ARB2A: variants seen among roughly 807,000 people sequenced by gnomAD.
ARB2A encodes cotranscriptional regulator ARB2A.
the ARB2A span, among the ~76,000 whole-genome samples, chr5:93,807,275 C>A: frequency 4.7e-4 from 72 of 152,044 alleles, no homozygotes; most frequent in Non-Finnish European, 9.4e-4. Flanking sequence ...GTAAAACATT[C>A]ATTGCTCAAT....
chr5:93,730,830 T>C, the ARB2A span, among the ~76,000 whole-genome samples: 1 of 152,234 alleles, frequency 6.6e-6, no homozygotes, highest in African/African-American at 2.4e-5. Flanking sequence ...CTCATTTTAC[T>C]GATGAGAGTT....
the ARB2A span, among the ~76,000 whole-genome samples, chr5:93,665,909 G>A: frequency 1.3e-5 from 2 of 152,120 alleles, no homozygotes; most frequent in African/African-American, 4.8e-5. Flanking sequence ...CACCAGAGAC[G>A]TTCTTTTCTC....
the ARB2A span, among the ~76,000 whole-genome samples, chr5:93,969,954 C>T: frequency 7.2e-5 from 11 of 151,950 alleles, no homozygotes; most frequent in Non-Finnish European, 1.6e-4. Flanking sequence ...AAATGTAATA[C>T]ACGATAATAT....
the ARB2A span, among the ~76,000 whole-genome samples, chr5:94,065,948 G>A: frequency 1.1e-4 from 17 of 152,008 alleles, no homozygotes; most frequent in African/African-American, 3.6e-4. Context: ...AACACATGGA[G>A]CATTCTCCAG....
At chr5:93,776,271 G>C in the ARB2A span, 1 of 1,561,086 alleles carries the variant, frequency 6.4e-7, no homozygotes, top group East Asian at 2.3e-5. Context: ...CAATATTGTT[G>C]AAATACAATT....
chr5:94,052,299 T>C, the ARB2A span, among the ~76,000 whole-genome samples: 1 of 152,130 alleles, frequency 6.6e-6, no homozygotes, highest in East Asian at 1.9e-4. Context: ...TATTACTACT[T>C]CTACTGGTAT....
At chr5:93,937,584 C>G in the ARB2A span, among the ~76,000 whole-genome samples, 1 of 151,886 alleles carries the variant, frequency 6.6e-6, no homozygotes, top group African/African-American at 2.4e-5. Context: ...TGCACTCCAG[C>G]CTGGTGACAG....
the ARB2A span, among the ~76,000 whole-genome samples, chr5:93,724,325 G>A: frequency 2.0e-5 from 3 of 151,842 alleles, no homozygotes; most frequent in East Asian, 5.8e-4. Flanking sequence ...AAAGACGTCC[G>A]CCAACAGATA....
chr5:94,012,185 A>G, the ARB2A span, among the ~76,000 whole-genome samples: 35 of 152,054 alleles, frequency 2.3e-4, no homozygotes, highest in Admixed American at 1.7e-3. Context: ...GGCAGATCAC[A>G]AGGTCAGGAG....
chr5:93,946,702 G>A, the ARB2A span, among the ~76,000 whole-genome samples: 1 of 152,168 alleles, frequency 6.6e-6, no homozygotes, highest in Non-Finnish European at 1.5e-5. Flanking sequence ...CTAACAGGTA[G>A]CGATGGATTA....
the ARB2A span, among the ~76,000 whole-genome samples, chr5:93,926,765 T>C: frequency 6.6e-6 from 1 of 152,048 alleles, no homozygotes; most frequent in Non-Finnish European, 1.5e-5. Context: ...AAGATTTTTT[T>C]TTTTTTTTTA....
the ARB2A span, among the ~76,000 whole-genome samples, chr5:94,094,369 C>T: frequency 1.1e-3 from 174 of 152,060 alleles, 1 homozygote; most frequent in African/African-American, 3.0e-3. Context: ...TCTCTTCTTA[C>T]GAAGACACTA....
At chr5:93,776,351 T>C in the ARB2A span, 1 of 731,856 alleles carries the variant, frequency 1.4e-6, no homozygotes. Flanking sequence ...GTGTATTCAA[T>C]TTATTTTCCA....
the ARB2A span, among the ~76,000 whole-genome samples, chr5:93,983,489 G>A: frequency 6.6e-6 from 1 of 152,014 alleles, no homozygotes; most frequent in East Asian, 1.9e-4. Flanking sequence ...AATAAAACAA[G>A]AATCTATGAG....
the ARB2A span, among the ~76,000 whole-genome samples, chr5:94,049,423 C>T: frequency 3.3e-5 from 5 of 152,000 alleles, no homozygotes; most frequent in African/African-American, 7.3e-5. Flanking sequence ...TTAGGCTCGG[C>T]GCAGTGGCTC....
the ARB2A span, among the ~76,000 whole-genome samples, chr5:94,044,555 C>T: frequency 1.3e-5 from 2 of 151,960 alleles, no homozygotes; most frequent in African/African-American, 4.8e-5. Context: ...TAAGGGTTAT[C>T]CTATAAAAGG....
the ARB2A span, among the ~76,000 whole-genome samples, chr5:94,029,878 A>C: frequency 6.6e-6 from 1 of 152,294 alleles, no homozygotes; most frequent in Non-Finnish European, 1.5e-5. Flanking sequence ...CATACCCAAG[A>C]CTGGATACTT....
the ARB2A span, among the ~76,000 whole-genome samples, chr5:93,841,271 G>A: frequency 9.7e-4 from 147 of 152,154 alleles, 1 homozygote; most frequent in Admixed American, 4.6e-3. Context: ...AAATATTTTA[G>A]AAAAAGAAAG....
the ARB2A span, among the ~76,000 whole-genome samples, chr5:94,090,475 T>C: frequency 6.6e-6 from 1 of 152,176 alleles, no homozygotes; most frequent in Non-Finnish European, 1.5e-5. Flanking sequence ...TGCAAACAGA[T>C]ACAATTTGAC....
Sources: gnomAD v4.1 joint callset for allele counts (sites outside exome capture counted in the v4.1 genomes callset) on GRCh38, gnomAD v4.1.1 for gene constraint, MANE v1.5 for transcripts, NCBI Gene and HGNC (gene_info 2026-07-23, HGNC 2026-07-21) for gene names.